Variants in FGD4 observed in about 807,000 individuals in gnomAD.
FGD4 encodes FYVE, RhoGEF and PH domain-containing protein 4.
Under a neutral mutation model 102.0 loss-of-function variants are expected in FGD4, and 42 were observed. The observed-to-expected ratio is 0.41, with a 90% confidence interval of 0.32 to 0.53. The LOEUF is 0.53. FGD4 is among the 20% of genes least tolerant of loss of function. FGD4 has a pLI of 0.21. For synonymous variants in FGD4, 380 were observed against 375.7 expected, an observed-to-expected ratio of 1.01 and a Z score of -0.13; for missense variants, 902 against 1,078.2, an observed-to-expected ratio of 0.84 and a Z score of 2.29.
In FGD4 at chr12:32,506,654, C is replaced by G. The variant is rs1490014001; in HGVS notation, c.167-57483C>G. 6.6e-6 allele frequency among the ~76,000 whole-genome samples: 1 copy of G among 152,212 alleles called. No individual in the cohort carries two copies. Among genetic ancestry groups the G allele is most frequent in the African/African-American group, 2.4e-5 (1 of 41,450 alleles). On this transcript the variant is annotated intron_variant, in intron 1 of 16. Coordinates refer to ENST00000534526, the MANE Select transcript of FGD4 (RefSeq NM_001370298.3). This position sits in a 1 kb window ranked among gnomAD's most constrained non-coding sequence, Gnocchi z 4.5. ...CCTCCTTGCCCAGGACCACCCCACC[C>G]CCTAAGGAGACATTCACTGTCTTCA...
At chr12:32,587,097 G>T (rs1346912003) in intron 4 of FGD4, among the ~76,000 whole-genome samples, 1 of 150,854 alleles carries the variant, frequency 6.6e-6, no homozygotes, top group East Asian at 2.0e-4. Context: ...GGCTGAGGCA[G>T]GCGAATTGCT....
intron 1 of FGD4, among the ~76,000 whole-genome samples, chr12:32,546,170 G>A (rs927900335): frequency 6.6e-6 from 1 of 152,192 alleles, no homozygotes; most frequent in Admixed American, 6.5e-5. Context: ...GGTTCCCACA[G>A]CCACCCAAAT....
At chr12:32,635,786 G>A (rs139041826) in intron 15 of FGD4, among the ~76,000 whole-genome samples, 1,717 of 151,964 alleles carry the variant, frequency 0.011, 24 homozygotes, top group African/African-American at 0.037. Flanking sequence ...AGGCTGAGGC[G>A]GGCGGATCAC....
At chr12:32,522,680 A>G (rs1940670718) in intron 1 of FGD4, among the ~76,000 whole-genome samples, 1 of 152,138 alleles carries the variant, frequency 6.6e-6, no homozygotes, top group South Asian at 2.1e-4. Flanking sequence ...TTATGAAAAC[A>G]TTTTTTCTTG....
chr12:32,606,881 A>G (rs891166060), intron 7 of FGD4, among the ~76,000 whole-genome samples: 1 of 152,228 alleles, frequency 6.6e-6, no homozygotes, highest in African/African-American at 2.4e-5. Context: ...TTTGGTTTCT[A>G]ATGAAAAAGA....
intron 14 of FGD4, among the ~76,000 whole-genome samples, chr12:32,630,697 T>C (rs537352426): frequency 7.9e-5 from 12 of 151,822 alleles, no homozygotes; most frequent in African/African-American, 2.9e-4. Context: ...GTGCTTGTAA[T>C]CCCAGATACT....
chr12:32,632,716 T>TATTTA (rs200617043), intron 14 of FGD4, among the ~76,000 whole-genome samples: 2 of 141,734 alleles, frequency 1.4e-5, no homozygotes, highest in African/African-American at 5.6e-5. Flanking sequence ...TTTATTTATT[T>TATTTA]TTTTTTTTTG....
intron 1 of FGD4, among the ~76,000 whole-genome samples, chr12:32,516,406 A>G (rs1279937135): frequency 6.6e-6 from 1 of 152,126 alleles, no homozygotes; most frequent in African/African-American, 2.4e-5. Context: ...AGCCTCCCAG[A>G]GTGCTGGGAT....
At chr12:32,502,827 T>C (rs1938340939) in intron 1 of FGD4, among the ~76,000 whole-genome samples, 1 of 152,218 alleles carries the variant, frequency 6.6e-6, no homozygotes, top group Non-Finnish European at 1.5e-5. Flanking sequence ...TATTTTGCAA[T>C]GCTTTGGCAC....
intron 1 of FGD4, among the ~76,000 whole-genome samples, chr12:32,547,331 T>C (rs1363111279): frequency 6.6e-6 from 1 of 152,092 alleles, no homozygotes; most frequent in African/African-American, 2.4e-5. Context: ...TCCCACCTCC[T>C]TGGGAGGCTG....
rs575997042 is a variant in FGD4, at chr12:32,544,590, G to C, written c.167-19547G>C. 6.6e-6 allele frequency among the ~76,000 whole-genome samples: 1 copy of C among 151,996 alleles called. No homozygotes were observed. Among genetic ancestry groups the C allele is most frequent in the Non-Finnish European group, 1.5e-5 (1 of 67,992 alleles). ...CTACAAAAAAATACAAAAATGAGCC[G>C]GGCGTGGTGGCTCACACCTGTGGTT... On this transcript the variant is annotated intron_variant, in intron 1 of 16. Transcript: ENST00000534526. This position sits in a 1 kb window ranked among gnomAD's most constrained non-coding sequence, Gnocchi z 4.1.
intron 1 of FGD4, among the ~76,000 whole-genome samples, chr12:32,422,583 G>A (rs1485467343): frequency 6.6e-6 from 1 of 151,766 alleles, no homozygotes; most frequent in Non-Finnish European, 1.5e-5. Flanking sequence ...TAAATTGGCA[G>A]TATTTTAAAA....
At chr12:32,481,419 CTG>C (rs1943761435) in intron 1 of FGD4, among the ~76,000 whole-genome samples, 1 of 152,150 alleles carries the variant, frequency 6.6e-6, no homozygotes, top group Non-Finnish European at 1.5e-5. Flanking sequence ...CTGGACCTCT[CTG>C]TCATATTTTT....
chr12:32,433,941 C>T (rs1447740535), intron 1 of FGD4, among the ~76,000 whole-genome samples: 5 of 151,906 alleles, frequency 3.3e-5, no homozygotes, highest in South Asian at 2.1e-4. Context: ...CTGCGACCTC[C>T]GCCTTCTGGG....
intron 1 of FGD4, among the ~76,000 whole-genome samples, chr12:32,511,597 C>T (rs867217976): frequency 3.3e-5 from 5 of 152,152 alleles, no homozygotes; most frequent in African/African-American, 1.2e-4. Context: ...CCACCGCGCC[C>T]GGCCTGATTG....
intron 4 of FGD4, among the ~76,000 whole-genome samples, chr12:32,594,828 G>A (rs1447758784): frequency 1.3e-5 from 2 of 152,094 alleles, no homozygotes; most frequent in Non-Finnish European, 2.9e-5. Context: ...TCAGGAGTTC[G>A]AGACCAGCCT....
intron 1 of FGD4, chr12:32,486,230 G>T (rs914862625): frequency 1.7e-6 from 2 of 1,195,280 alleles, no homozygotes; most frequent in Non-Finnish European, 2.3e-6. Flanking sequence ...TACAATAGAT[G>T]AGGTCACTGG....
intron 14 of FGD4, among the ~76,000 whole-genome samples, chr12:32,628,386 C>T (rs746904438): frequency 6.6e-6 from 1 of 151,828 alleles, no homozygotes; most frequent in Non-Finnish European, 1.5e-5. Context: ...AAAAAAAAGC[C>T]TCCACTAGAG....
chr12:32,434,913 A>G (rs1942172041), intron 1 of FGD4, among the ~76,000 whole-genome samples: 2 of 151,946 alleles, frequency 1.3e-5, no homozygotes, highest in African/African-American at 2.4e-5. Context: ...TTCTGAGAGG[A>G]GCAGCTTCGC....
Sources: gnomAD v4.1 joint callset for allele counts (sites outside exome capture counted in the v4.1 genomes callset) on GRCh38, gnomAD v4.1.1 for gene constraint, Gnocchi (gnomAD v3.1) non-coding constraint, MANE v1.5 for transcripts, NCBI Gene and HGNC (gene_info 2026-07-23, HGNC 2026-07-21) for gene names.